CMC4: variants seen among roughly 807,000 people sequenced by gnomAD.
The protein encoded by CMC4 is cx9C motif-containing protein 4.
Under a neutral mutation model 5.1 loss-of-function variants are expected in CMC4, and 4 were observed. The observed-to-expected ratio is 0.78, with a 90% confidence interval of 0.38 to 1.78. The LOEUF (loss-of-function observed/expected upper bound fraction) is 1.78, where lower values mean the gene tolerates loss of function less well. Among genes scored for constraint, CMC4 ranks in the 40% most tolerant of loss-of-function variants. CMC4 has a pLI of 0.04. For missense variants in CMC4, 52 were observed against 51.3 expected (o/e 1.01, Z -0.04); for synonymous variants, 23 against 18.9 (o/e 1.22, Z -0.57).
chrX:155,061,998 A>G lies in CMC4; in HGVS notation c.59-7T>C, dbSNP rs782750365. The G allele has an allele frequency of 8.3e-7, 1 of 1,208,752 alleles. No homozygotes were observed. The highest frequency in any genetic ancestry group is 1.8e-5 in the South Asian group (1 of 56,316). On this transcript the variant is annotated splice_polypyrimidine_tract_variant and splice_region_variant and intron_variant, in intron 2 of 2. Coordinates refer to ENST00000369484, the MANE Select transcript of CMC4 (RefSeq NM_001018024.3). ...GATTCCATGTAGCTGTTGGCTGAAA[A>G]ACATACAGGCAGACTCTAGTCATGA...
At chrX:155,066,090 CT>C in intron 1 of CMC4, 1 of 812,329 alleles carries the variant, frequency 1.2e-6, no homozygotes, top group Non-Finnish European at 1.8e-6. Flanking sequence ...ACAGGTGTGA[CT>C]TTTTGGGTTT....
chrX:155,067,089 C>A (rs1275487550), intron 1 of CMC4, among the ~76,000 whole-genome samples: 1 of 111,574 alleles, frequency 9.0e-6, no homozygotes, highest in Non-Finnish European at 1.9e-5. Context: ...TGGGGAGCTG[C>A]CCCTCAAAAC....
At chrX:155,064,568 A>G (rs963240827) in intron 1 of CMC4, 2 of 112,120 alleles carry the variant, frequency 1.8e-5, no homozygotes, top group African/African-American at 6.5e-5. Context: ...ATAAACTGTT[A>G]TAACTACTTT....
intron 2 of CMC4, 131 bp from the exon 3 acceptor site, chrX:155,062,122 T>C: frequency 1.7e-6 from 1 of 600,614 alleles, no homozygotes; most frequent in Non-Finnish European, 2.4e-6. Flanking sequence ...TATACCAAAG[T>C]CCACTGAATT....
intron 1 of CMC4, chrX:155,065,958 T>G (rs1321419000): frequency 1.7e-6 from 2 of 1,210,442 alleles, no homozygotes; most frequent in African/African-American, 3.5e-5. Context: ...GTAGATACCC[T>G]CTTGGTGAAC....
Position 155,064,032 on chromosome X carries a change from A to C in CMC4, c.-9T>G. On this transcript the variant is annotated splice_region_variant and 5_prime_UTR_variant, in exon 2 of 3. Coordinates refer to ENST00000369484, the MANE Select transcript of CMC4 (RefSeq NM_001018024.3). Reference sequence around the variant, plus strand: ...GGATCCTTCTGCGGCATATCCAGAAAACTAAAACAAGAAAAATGATTTTTA... The same window carrying C: ...GGATCCTTCTGCGGCATATCCAGAACACTAAAACAAGAAAAATGATTTTTA... 1.2e-5 allele frequency: 14 copies of C among 1,179,020 alleles called. No homozygotes were observed. The highest frequency in any genetic ancestry group is 1.6e-5 in the Non-Finnish European group (14 of 883,294).
chrX:155,068,166 C>A (rs1557292155), intron 1 of CMC4, among the ~76,000 whole-genome samples: 1 of 112,189 alleles, frequency 8.9e-6, no homozygotes, highest in African/African-American at 3.2e-5. Flanking sequence ...TAGGTCCTAG[C>A]AACAACCAAC....
chrX:155,067,611 G>A (rs782004994), intron 1 of CMC4, among the ~76,000 whole-genome samples: 38 of 112,247 alleles, frequency 3.4e-4, no homozygotes, highest in Non-Finnish European at 6.0e-4. Flanking sequence ...GAAAACTTTA[G>A]AAAATTCTTG....
intron 1 of CMC4, 123 bp from the exon 2 acceptor site, chrX:155,064,156 C>T: frequency 2.5e-6 from 1 of 401,221 alleles, no homozygotes. Flanking sequence ...AATAATTACA[C>T]TAAAAATACT....
At chrX:155,069,076 G>A (rs896914088) in intron 1 of CMC4, among the ~76,000 whole-genome samples, 47 of 112,720 alleles carry the variant, frequency 4.2e-4, no homozygotes, top group African/African-American at 1.5e-3. Flanking sequence ...AAGGCATTTT[G>A]TAAATTAGGT....
chrX:155,063,592 T>C (rs900215194), intron 2 of CMC4, among the ~76,000 whole-genome samples: 1 of 112,196 alleles, frequency 8.9e-6, no homozygotes, highest in Non-Finnish European at 1.9e-5. Flanking sequence ...CTCTTCCAGA[T>C]TGCTTTTAAA....
At chrX:155,066,052 C>G in intron 1 of CMC4, 1 of 1,092,995 alleles carries the variant, frequency 9.1e-7, no homozygotes, top group Non-Finnish European at 1.3e-6. Flanking sequence ...TTTTCTCCAC[C>G]TAAGCCTGCA....
chrX:155,064,856 A>G, intron 1 of CMC4: 1 of 114,182 alleles, frequency 8.8e-6, no homozygotes, highest in Non-Finnish European at 1.9e-5. Flanking sequence ...ATCTCTTTTC[A>G]GAGCCCTCTA....
At chrX:155,065,460 G>A (rs2073944639) in intron 1 of CMC4, 1 of 1,186,650 alleles carries the variant, frequency 8.4e-7, no homozygotes, top group Admixed American at 2.2e-5. Flanking sequence ...AGAGGGGGAG[G>A]ACAGAGGAGA....
At chrX:155,063,080 A>C (rs1421764862) in intron 2 of CMC4, among the ~76,000 whole-genome samples, 4 of 112,093 alleles carry the variant, frequency 3.6e-5, no homozygotes, top group African/African-American at 1.3e-4. Context: ...AATGCAAAAA[A>C]CTTTTTCCTT....
chrX:155,063,334 T>C (rs1264669558), intron 2 of CMC4, among the ~76,000 whole-genome samples: 6 of 112,305 alleles, frequency 5.3e-5, no homozygotes, highest in African/African-American at 1.9e-4. Flanking sequence ...CATCTATTAC[T>C]TTACTAGTGA....
At chrX:155,066,070 C>T (rs1406093005) in intron 1 of CMC4, 9 of 950,973 alleles carry the variant, frequency 9.5e-6, no homozygotes, top group South Asian at 4.1e-5. Context: ...GCAGCACCCG[C>T]GCACAGGACA....
At chrX:155,069,638 AATGGGGCAGTTTACATGT>A (rs1380392309) in intron 1 of CMC4, among the ~76,000 whole-genome samples, 3 of 111,889 alleles carry the variant, frequency 2.7e-5, no homozygotes, top group Non-Finnish European at 3.8e-5. Flanking sequence ...CTTGACTCCA[AATGGGGCAGTTTACATGT>A]ACCAGGCATA....
chrX:155,068,102 TAA>T (rs2073955757), intron 1 of CMC4, among the ~76,000 whole-genome samples: 1 of 112,440 alleles, frequency 8.9e-6, no homozygotes, highest in African/African-American at 3.2e-5. Context: ...ATAACTGTTT[TAA>T]AAAAGTGGAA....
Sources: gnomAD v4.1 joint callset for allele counts (sites outside exome capture counted in the v4.1 genomes callset) on GRCh38, gnomAD v4.1.1 for gene constraint, MANE v1.5 for transcripts, NCBI Gene and HGNC (gene_info 2026-07-23, HGNC 2026-07-21) for gene names.